Variants in HERC3 observed in about 807,000 individuals in gnomAD.
HERC3 encodes the protein HECT and RLD domain containing E3 ubiquitin protein ligase 3.
A neutral mutation model predicts 129.9 loss-of-function variants in HERC3; 58 were observed. The observed-to-expected ratio is 0.45, with a 90% CI of 0.36 to 0.56. The LOEUF (loss-of-function observed/expected upper bound fraction) is 0.56. Among genes scored for constraint, HERC3 ranks in the 20% least tolerant of loss-of-function variants. The pLI is 0.00. For missense variants in HERC3, 835 were observed against 1,244.2 expected (o/e 0.67, Z 4.95); for synonymous variants, 430 against 451.0 (o/e 0.95, Z 0.59).
At chr4:88,691,246 A>C (rs1734042041) in intron 23 of HERC3, among the ~76,000 whole-genome samples, 1 of 152,240 alleles carries the variant, frequency 6.6e-6, no homozygotes, top group Non-Finnish European at 1.5e-5. Context: ...CAGAGTACTC[A>C]TTGAATACAC....
chr4:88,610,223 G>A (rs1724144514), intron 3 of HERC3, among the ~76,000 whole-genome samples: 1 of 152,168 alleles, frequency 6.6e-6, no homozygotes, highest in African/African-American at 2.4e-5. Flanking sequence ...GGGAAGCCGA[G>A]CTGGGTGGAT....
chr4:88,681,452 T>G, intron 21 of HERC3, 127 bp downstream of exon 21: 1 of 768,082 alleles, frequency 1.3e-6, no homozygotes, highest in East Asian at 2.7e-5. Flanking sequence ...CCCTGTTATG[T>G]GTGTTTTGTC....
upstream of HERC3, among the ~76,000 whole-genome samples, chr4:88,590,983 A>C (rs10012646): frequency 0.044 from 6,516 of 149,448 alleles, 176 homozygotes; most frequent in Middle Eastern, 0.14. Context: ...TCCGCCTTCC[A>C]GGTTCCAGTG....
At chr4:88,609,305 C>CA (rs1724033502) in intron 3 of HERC3, among the ~76,000 whole-genome samples, 1 of 151,740 alleles carries the variant, frequency 6.6e-6, no homozygotes, top group Admixed American at 6.6e-5. Flanking sequence ...ACAACAACAA[C>CA]AAAAAACCCC....
chr4:88,687,348 G>A, intron 23 of HERC3, 49 bp downstream of exon 23: 1 of 1,265,626 alleles, frequency 7.9e-7, no homozygotes, highest in Non-Finnish European at 1.1e-6. Flanking sequence ...TCATATTTCT[G>A]CAGTTTTACA....
At chr4:88,703,960 T>C in intron 23 of HERC3, 138 bp from the exon 24 acceptor site, 1 of 744,120 alleles carries the variant, frequency 1.3e-6, no homozygotes, top group Non-Finnish European at 2.2e-6. Context: ...GTAACCTATA[T>C]GATGCCTTAG....
At chr4:88,640,196 C>T (rs1181987680) in intron 3 of HERC3, among the ~76,000 whole-genome samples, 3 of 152,146 alleles carry the variant, frequency 2.0e-5, no homozygotes, top group Non-Finnish European at 4.4e-5. Flanking sequence ...ACCAGAAATA[C>T]CATTTGACTC....
At chr4:88,545,110 A>G in the HERC3 span, among the ~76,000 whole-genome samples, 1 of 152,070 alleles carries the variant, frequency 6.6e-6, no homozygotes, top group Non-Finnish European at 1.5e-5. Flanking sequence ...TAGGACTTCA[A>G]CATATGCATG....
At chr4:88,660,897 G>A (rs775025505) in intron 10 of HERC3, among the ~76,000 whole-genome samples, 9 of 152,080 alleles carry the variant, frequency 5.9e-5, no homozygotes, top group African/African-American at 1.2e-4. Flanking sequence ...ATTATTGAAC[G>A]CTCCCATGGT....
At chr4:88,641,890 G>A (rs1157124314) in intron 3 of HERC3, among the ~76,000 whole-genome samples, 1 of 152,042 alleles carries the variant, frequency 6.6e-6, no homozygotes, top group East Asian at 1.9e-4. Flanking sequence ...GGCTGAGGTG[G>A]GCAGGACACT....
chr4:88,588,814 G>T (rs1721592035), upstream of HERC3, among the ~76,000 whole-genome samples: 1 of 152,216 alleles, frequency 6.6e-6, no homozygotes, highest in Non-Finnish European at 1.5e-5. Flanking sequence ...ACTAATGGAG[G>T]AAATCAGCAT....
At chr4:88,693,579 ATG>A (rs1734291422) in intron 23 of HERC3, 1 of 943,424 alleles carries the variant, frequency 1.1e-6, no homozygotes, top group Admixed American at 6.2e-5. Context: ...AGCATTATGA[ATG>A]TACAAAACGC....
At chr4:88,637,331 C>T (rs1452717141) in intron 3 of HERC3, among the ~76,000 whole-genome samples, 12 of 151,634 alleles carry the variant, frequency 7.9e-5, no homozygotes, top group Admixed American at 4.6e-4. Flanking sequence ...GAGGCTGAGG[C>T]GGGAGAATGG....
the HERC3 span, among the ~76,000 whole-genome samples, chr4:88,538,358 A>C: frequency 6.6e-5 from 10 of 152,298 alleles, no homozygotes; most frequent in African/African-American, 1.9e-4. Context: ...TAGGCCTGCT[A>C]TAACAAAGTA....
chr4:88,607,727 C>T (rs745791990), intron 3 of HERC3, among the ~76,000 whole-genome samples: 1 of 152,196 alleles, frequency 6.6e-6, no homozygotes, highest in Non-Finnish European at 1.5e-5. Context: ...CCTTGGCCTC[C>T]CAAAGTGCTG....
the HERC3 span, among the ~76,000 whole-genome samples, chr4:88,559,960 A>AATTTTTT: frequency 1.7e-5 from 2 of 119,554 alleles, 1 homozygote; most frequent in African/African-American, 6.1e-5. Context: ...GTTATTTTTG[A>AATTTTTT]TTTTTTTTTT....
At chr4:88,697,252 T>C in intron 23 of HERC3, 1 of 1,557,590 alleles carries the variant, frequency 6.4e-7, no homozygotes, top group Non-Finnish European at 8.7e-7. Flanking sequence ...ATCGTCATGT[T>C]TGGCCCCCGC....
intron 2 of HERC3, among the ~76,000 whole-genome samples, chr4:88,600,481 G>A (rs188192225): frequency 7.1e-4 from 108 of 152,206 alleles, no homozygotes; most frequent in Admixed American, 1.6e-3. Context: ...AATATTTCTT[G>A]GTAATAAAAC....
chr4:88,704,734 A>G (rs1352100742), intron 25 of HERC3, 124 bp downstream of exon 25: 1 of 644,400 alleles, frequency 1.6e-6, no homozygotes, highest in African/African-American at 1.8e-5. Context: ...AATTCACTAT[A>G]TGTATGCTTT....
Sources: gnomAD v4.1 joint callset for allele counts (sites outside exome capture counted in the v4.1 genomes callset) on GRCh38, gnomAD v4.1.1 for gene constraint, MANE v1.5 for transcripts, NCBI Gene and HGNC (gene_info 2026-07-23, HGNC 2026-07-21) for gene names.